The following FSTL4 variants were observed in gnomAD, a reference collection of about 807,000 sequenced individuals.
FSTL4 encodes the protein follistatin like 4.
FSTL4 carries 28 observed loss-of-function variants against 78.2 expected under a neutral mutation model. The observed-to-expected ratio is 0.36, with a 90% CI of 0.27 to 0.49. The LOEUF is 0.49. Among genes scored for constraint, FSTL4 ranks in the 20% least tolerant of loss-of-function variants. The pLI, the probability that FSTL4 is intolerant of heterozygous loss-of-function variation, is 0.98. For synonymous variants in FSTL4, 422 were observed against 440.5 expected, an observed-to-expected ratio of 0.96 and a Z score of 0.53; for missense variants, 922 against 1,084.9, an observed-to-expected ratio of 0.85 and a Z score of 2.11.
chr5:133,428,413 G>T (rs1303967340), intron 3 of FSTL4, among the ~76,000 whole-genome samples: 1 of 152,176 alleles, frequency 6.6e-6, no homozygotes, highest in African/African-American at 2.4e-5. Context: ...GGTAGGGGCT[G>T]CCCAGGGCCT....
the FSTL4 span, among the ~76,000 whole-genome samples, chr5:133,706,587 A>C: frequency 2.0e-5 from 3 of 152,356 alleles, no homozygotes; most frequent in Admixed American, 1.3e-4. Flanking sequence ...GGGAAATTTC[A>C]TAAATGCCAT....
At chr5:133,687,537 G>T in the FSTL4 span, among the ~76,000 whole-genome samples, 1 of 152,128 alleles carries the variant, frequency 6.6e-6, no homozygotes, top group Non-Finnish European at 1.5e-5. Flanking sequence ...GCTTTACAGG[G>T]CGTCAGTTAA....
chr5:133,556,079 C>T (rs74763538), intron 3 of FSTL4, among the ~76,000 whole-genome samples: 11,853 of 152,190 alleles, frequency 0.078, 612 homozygotes, highest in Admixed American at 0.12. Context: ...GGACCTCTGA[C>T]TCTGCAGGCA....
At chr5:133,688,668 G>C in the FSTL4 span, among the ~76,000 whole-genome samples, 1 of 152,344 alleles carries the variant, frequency 6.6e-6, no homozygotes, top group South Asian at 2.1e-4. Context: ...GCCTCCAAGG[G>C]AGATAAATAG....
At chr5:133,711,541 A>T in the FSTL4 span, among the ~76,000 whole-genome samples, 1 of 152,200 alleles carries the variant, frequency 6.6e-6, no homozygotes, top group African/African-American at 2.4e-5. Context: ...TGTTCCTCCC[A>T]TATGTAGGAG....
At chr5:133,621,813 AT>A in the FSTL4 span, among the ~76,000 whole-genome samples, 1 of 152,170 alleles carries the variant, frequency 6.6e-6, no homozygotes, top group South Asian at 2.1e-4. Flanking sequence ...TCACTTAGTG[AT>A]TTTTTTATTT....
intron 7 of FSTL4, among the ~76,000 whole-genome samples, chr5:133,234,793 A>G (rs975002602): frequency 1.3e-5 from 2 of 152,244 alleles, no homozygotes; most frequent in African/African-American, 4.8e-5. Flanking sequence ...AATTGTGGAC[A>G]ATATATACGG....
At chr5:133,533,251 T>C (rs1289012843) in intron 3 of FSTL4, among the ~76,000 whole-genome samples, 2 of 152,170 alleles carry the variant, frequency 1.3e-5, no homozygotes, top group Admixed American at 1.3e-4. Context: ...GTTTTGTTTG[T>C]TTGCTTGTTT....
At chr5:133,662,232 C>T in the FSTL4 span, among the ~76,000 whole-genome samples, 1 of 152,200 alleles carries the variant, frequency 6.6e-6, no homozygotes, top group East Asian at 1.9e-4. Context: ...GATAAGCTCA[C>T]TAAATAATCA....
intron 2 of FSTL4, among the ~76,000 whole-genome samples, chr5:133,582,895 C>T (rs1001033292): frequency 1.3e-5 from 2 of 152,162 alleles, no homozygotes; most frequent in African/African-American, 4.8e-5. Context: ...TCATGGGCAG[C>T]TCTGACCACT....
At chr5:133,565,664 ACT>A (rs1760010224) in intron 3 of FSTL4, among the ~76,000 whole-genome samples, 1 of 152,138 alleles carries the variant, frequency 6.6e-6, no homozygotes, top group African/African-American at 2.4e-5. Flanking sequence ...TCCTCTGGAC[ACT>A]CTCATTCTTC....
chr5:133,578,636 G>A (rs1760335798), intron 2 of FSTL4, among the ~76,000 whole-genome samples: 1 of 152,114 alleles, frequency 6.6e-6, no homozygotes, highest in Non-Finnish European at 1.5e-5. Flanking sequence ...ATTATATGAG[G>A]ATTTAGTGAT....
At chr5:133,265,180 C>T (rs1010541613) in intron 6 of FSTL4, among the ~76,000 whole-genome samples, 7 of 152,034 alleles carry the variant, frequency 4.6e-5, no homozygotes, top group East Asian at 1.9e-4. Flanking sequence ...TCGGAGGGAG[C>T]GGGCTCCTCT....
intron 3 of FSTL4, among the ~76,000 whole-genome samples, chr5:133,522,271 C>A (rs1175033753): frequency 1.3e-5 from 2 of 152,102 alleles, no homozygotes; most frequent in Non-Finnish European, 2.9e-5. Context: ...TGCTTCTTTG[C>A]CCCCTCCACT....
chr5:133,233,259 C>T (rs1484712157), intron 8 of FSTL4, among the ~76,000 whole-genome samples, 158 bp downstream of exon 8: 1 of 152,234 alleles, frequency 6.6e-6, no homozygotes, highest in Non-Finnish European at 1.5e-5. Flanking sequence ...CAGACTTTGC[C>T]CTTTCCACAC....
chr5:133,590,143 G>C (rs1209071535), intron 2 of FSTL4, among the ~76,000 whole-genome samples: 1 of 147,054 alleles, frequency 6.8e-6, no homozygotes, highest in East Asian at 2.0e-4. Flanking sequence ...GTCTTGCTCT[G>C]TCGCTCTGTC....
At chr5:133,356,723 C>T (rs1054064415) in intron 4 of FSTL4, among the ~76,000 whole-genome samples, 1 of 152,262 alleles carries the variant, frequency 6.6e-6, no homozygotes, top group Non-Finnish European at 1.5e-5. Context: ...GAAAGACCCA[C>T]CTGTGTGGTG....
the FSTL4 span, among the ~76,000 whole-genome samples, chr5:133,686,908 G>A: frequency 6.6e-6 from 1 of 152,242 alleles, no homozygotes; most frequent in Non-Finnish European, 1.5e-5. Flanking sequence ...GAGCAGCCAG[G>A]CATGGAAGAC....
At chr5:133,533,575 G>A (rs1029067895) in intron 3 of FSTL4, among the ~76,000 whole-genome samples, 2 of 152,142 alleles carry the variant, frequency 1.3e-5, no homozygotes, top group Admixed American at 6.5e-5. Flanking sequence ...CACCCAGTCC[G>A]TGGTAATTTG....
Sources: gnomAD v4.1 joint callset for allele counts (sites outside exome capture counted in the v4.1 genomes callset) on GRCh38, gnomAD v4.1.1 for gene constraint, MANE v1.5 for transcripts, NCBI Gene and HGNC (gene_info 2026-07-23, HGNC 2026-07-21) for gene names.